Variants in ZNF680 observed in about 807,000 individuals in gnomAD.
ZNF680 encodes hypothetical protein FLJ90430.
Under a neutral mutation model 12.1 loss-of-function variants are expected in ZNF680, and 6 were observed. The observed-to-expected ratio is 0.49, with a 90% CI of 0.27 to 0.98. The LOEUF (loss-of-function observed/expected upper bound fraction) is 0.98, where lower values mean the gene tolerates loss of function less well. ZNF680 is among the 50% of genes least tolerant of loss of function. The probability of loss-of-function intolerance (pLI) is 0.12; values close to 1 mark genes in which losing one functional copy is unlikely to be tolerated. For missense variants in ZNF680, 561 were observed against 616.3 expected (o/e 0.91, Z 0.95); for synonymous variants, 170 against 199.3 (o/e 0.85, Z 1.24).
At chr7:64,506,423 T>C in the ZNF680 span, among the ~76,000 whole-genome samples, 1 of 151,872 alleles carries the variant, frequency 6.6e-6, no homozygotes, top group Non-Finnish European at 1.5e-5. Context: ...CTCCTGACCT[T>C]GTGATCCACC....
At chr7:64,557,934 T>C (rs536459511) in intron 1 of ZNF680, among the ~76,000 whole-genome samples, 3 of 152,002 alleles carry the variant, frequency 2.0e-5, no homozygotes, top group Admixed American at 2.0e-4. Flanking sequence ...ATTAACAAAA[T>C]AATCTACACC....
At chr7:64,551,829 C>T (rs371306061) in intron 1 of ZNF680, 49 of 152,366 alleles carry the variant, frequency 3.2e-4, no homozygotes, top group African/African-American at 1.1e-3. Context: ...AGAAAAAACT[C>T]AGATTACATG....
intron 1 of ZNF680, among the ~76,000 whole-genome samples, chr7:64,554,262 C>T (rs1787269129): frequency 6.6e-6 from 1 of 151,172 alleles, no homozygotes; most frequent in Admixed American, 6.6e-5. Context: ...TGAGGAGTGT[C>T]TCTGCCCTGC....
chr7:64,545,292 A>T (rs1339439768), intron 1 of ZNF680, among the ~76,000 whole-genome samples: 1 of 135,182 alleles, frequency 7.4e-6, no homozygotes, highest in Admixed American at 7.4e-5. Flanking sequence ...AAAAAAAAAA[A>T]GATCCTGTGT....
At chr7:64,536,994 C>CA (rs535095748) in intron 3 of ZNF680, among the ~76,000 whole-genome samples, 300 of 152,230 alleles carry the variant, frequency 2.0e-3, no homozygotes, top group African/African-American at 6.8e-3. Context: ...CACTTGAGCC[C>CA]AGGAGGCTGA....
chr7:64,512,457 CAAAAAA>C, the ZNF680 span, among the ~76,000 whole-genome samples: 3 of 87,238 alleles, frequency 3.4e-5, no homozygotes, highest in Non-Finnish European at 4.5e-5. Context: ...CCGTCTCCAG[CAAAAAA>C]AAAAAAAAAA....
chr7:64,516,123 G>A (rs530488749), downstream of ZNF680, among the ~76,000 whole-genome samples: 4 of 152,194 alleles, frequency 2.6e-5, no homozygotes, highest in Admixed American at 2.0e-4. Context: ...CCTCACAGGG[G>A]GAACTCCTAC....
At chr7:64,530,872 A>T (rs928894371) in intron 3 of ZNF680, among the ~76,000 whole-genome samples, 79 of 145,136 alleles carry the variant, frequency 5.4e-4, no homozygotes, top group African/African-American at 1.5e-3. Context: ...AAAAAAATTT[A>T]AAAATAATAA....
chr7:64,512,815 A>G, the ZNF680 span, among the ~76,000 whole-genome samples: 3 of 152,174 alleles, frequency 2.0e-5, no homozygotes, highest in African/African-American at 7.2e-5. Context: ...TGTCTATTTA[A>G]AAAAGCTCTA....
chr7:64,534,281 A>C (rs949028854), intron 3 of ZNF680, among the ~76,000 whole-genome samples: 2 of 152,216 alleles, frequency 1.3e-5, no homozygotes, highest in Admixed American at 1.3e-4. Flanking sequence ...CAAAGGACTA[A>C]TATCCAGAAT....
intron 1 of ZNF680, among the ~76,000 whole-genome samples, chr7:64,547,628 A>G (rs1262233997): frequency 2.6e-5 from 4 of 152,000 alleles, no homozygotes; most frequent in Non-Finnish European, 5.9e-5. Flanking sequence ...TCTGTCATTG[A>G]TTTTTTCTTG....
chr7:64,555,438 A>G (rs758352111), intron 1 of ZNF680, among the ~76,000 whole-genome samples: 4 of 152,268 alleles, frequency 2.6e-5, no homozygotes, highest in Non-Finnish European at 4.4e-5. Flanking sequence ...TTAAAGCAGA[A>G]ATCAAGTTCA....
chr7:64,541,726 T>C (rs1020225741), intron 3 of ZNF680, among the ~76,000 whole-genome samples: 3 of 152,162 alleles, frequency 2.0e-5, no homozygotes, highest in African/African-American at 7.2e-5. Context: ...AATTCTGAAC[T>C]TACTCTCTAA....
At chr7:64,501,574 AG>A in the ZNF680 span, 2 of 750,894 alleles carry the variant, frequency 2.7e-6, no homozygotes, top group Non-Finnish European at 2.4e-6. Context: ...GTGAAGTCTG[AG>A]GGGGGCGCAG....
At chr7:64,560,775 G>A (rs186345035) in intron 1 of ZNF680, among the ~76,000 whole-genome samples, 85 of 149,976 alleles carry the variant, frequency 5.7e-4, no homozygotes, top group African/African-American at 2.0e-3. Flanking sequence ...TCATGTGACT[G>A]CACTCCAGCC....
At chr7:64,522,532 CTTCCTAGACTCAGATGAATATATTT>C (rs1791602958) in intron 3 of ZNF680, 32 bp from the exon 4 acceptor site, 16 of 1,369,132 alleles carry the variant, frequency 1.2e-5, no homozygotes, top group Non-Finnish European at 1.5e-5. Flanking sequence ...AATTACACCA[CTTCCTAGACTCAGATGAATATATTT>C]TACATATCAA....
At chr7:64,562,882 C>G (rs761683275) in intron 1 of ZNF680, 43 bp downstream of exon 1, 1 of 1,612,694 alleles carries the variant, frequency 6.2e-7, no homozygotes, top group Admixed American at 1.7e-5. Flanking sequence ...CCGGTTCCAA[C>G]CAGCCCCTCC....
chr7:64,536,154 A>G (rs766047218), intron 3 of ZNF680, among the ~76,000 whole-genome samples: 2 of 152,234 alleles, frequency 1.3e-5, no homozygotes, highest in African/African-American at 4.8e-5. Context: ...ACATAGCAAC[A>G]TAATAATTGT....
chr7:64,551,098 T>C (rs1787051830), intron 1 of ZNF680, among the ~76,000 whole-genome samples: 1 of 152,154 alleles, frequency 6.6e-6, no homozygotes. Context: ...TACAGCACCA[T>C]GTCATGCATA....
Sources: gnomAD v4.1 joint callset for allele counts (sites outside exome capture counted in the v4.1 genomes callset) on GRCh38, gnomAD v4.1.1 for gene constraint, MANE v1.5 for transcripts, NCBI Gene and HGNC (gene_info 2026-07-23, HGNC 2026-07-21) for gene names.